The following EXOSC4 variants were observed in gnomAD, a reference collection of about 807,000 sequenced individuals.
EXOSC4 encodes the protein exosome complex component RRP41.
EXOSC4 carries 14 observed loss-of-function variants against 20.0 expected under a neutral mutation model. The ratio of observed to expected loss-of-function variants is 0.70; its 90% CI spans 0.46 to 1.09. The LOEUF (loss-of-function observed/expected upper bound fraction) is 1.09. EXOSC4 is among the 50% of genes least tolerant of loss of function. The pLI is 0.00. For missense variants in EXOSC4, 337 were observed against 334.0 expected, an observed-to-expected ratio of 1.01 and a Z score of -0.07; for synonymous variants, 148 against 146.4, an observed-to-expected ratio of 1.01 and a Z score of -0.08.
chr8:144,067,968 G>T, the EXOSC4 span, among the ~76,000 whole-genome samples: 23 of 152,232 alleles, frequency 1.5e-4, no homozygotes, highest in Non-Finnish European at 8.8e-5. Context: ...CAACCTGCCA[G>T]CCTGCATTCC....
chr8:144,073,648 T>C (rs188324288), upstream of EXOSC4, among the ~76,000 whole-genome samples: 109 of 151,962 alleles, frequency 7.2e-4, no homozygotes, highest in African/African-American at 2.2e-3. Flanking sequence ...GTCAGGAGTT[T>C]GAGGCCAGAC....
At chr8:144,069,621 A>G in the EXOSC4 span, among the ~76,000 whole-genome samples, 1 of 152,244 alleles carries the variant, frequency 6.6e-6, no homozygotes, top group Non-Finnish European at 1.5e-5. Flanking sequence ...CCTTAACTGC[A>G]TCTCATCTGC....
chr8:144,080,227 C>A lies in EXOSC4; in HGVS notation c.379-15C>A. The A allele has an allele frequency of 6.2e-7, 1 of 1,611,478 alleles. No homozygotes were observed. Among genetic ancestry groups the A allele is most frequent in the Non-Finnish European group, 8.5e-7 (1 of 1,178,228 alleles). ...GGAGGGAGTCTGATAGACTGACACC[C>A]TGGGTTCCCTGCAGGTGCTACAGGC... On this transcript the variant is annotated splice_polypyrimidine_tract_variant and intron_variant, in intron 2 of 2. Coordinates refer to ENST00000316052, the MANE Select transcript of EXOSC4 (RefSeq NM_019037.3). The surrounding 1 kb of genome is among the most constrained non-coding windows in gnomAD (Gnocchi z 4.9).
At chr8:144,064,268 C>T in the EXOSC4 span, among the ~76,000 whole-genome samples, 2 of 152,218 alleles carry the variant, frequency 1.3e-5, no homozygotes, top group South Asian at 2.1e-4. Flanking sequence ...TGCAGGCTTC[C>T]GCACCCACCC....
upstream of EXOSC4, chr8:144,077,912 C>T (rs1437846304): frequency 2.0e-5 from 3 of 152,222 alleles, no homozygotes; most frequent in Non-Finnish European, 2.9e-5. Context: ...ATGGCTGCAG[C>T]CCCAGCTACC....
In EXOSC4 at chr8:144,080,106, T is replaced by C; in HGVS notation, c.335T>C (p.Leu112Pro). The C allele has an allele frequency of 6.2e-7, 1 of 1,613,998 alleles. No individual in the cohort carries two copies. Among genetic ancestry groups the C allele is most frequent in the Non-Finnish European group, 8.5e-7 (1 of 1,179,938 alleles). ...CGCCAGACTTTCGAAGCAGCCATCC[T>C]CACACAGCTGCACCCACGCTCCCAG... ...QLRQTFEAAI[L>P]TQLHPRSQID... The change falls in exon 2 of 3, where the codon CTC becomes CCC. Residue 112 changes from leucine (L) to proline (P), a missense_variant. By Grantham distance (98) the Leu-to-Pro change is moderately conservative. Transcript: ENST00000316052. This position sits in a 1 kb window ranked among gnomAD's most constrained non-coding sequence, Gnocchi z 4.9.
upstream of EXOSC4, among the ~76,000 whole-genome samples, chr8:144,075,593 G>A (rs577622973): frequency 6.6e-6 from 1 of 152,058 alleles, no homozygotes; most frequent in Admixed American, 6.6e-5. Flanking sequence ...AGCTGATCTT[G>A]AACTCCTAGG....
chr8:144,065,311 TC>T, the EXOSC4 span, among the ~76,000 whole-genome samples: 2 of 152,216 alleles, frequency 1.3e-5, no homozygotes, highest in African/African-American at 4.8e-5. Flanking sequence ...CAAACTCCTT[TC>T]CCTGGCTACT....
At chr8:144,074,503 T>C (rs1007409100), upstream of EXOSC4, among the ~76,000 whole-genome samples, 1 of 152,162 alleles carries the variant, frequency 6.6e-6, no homozygotes, top group African/African-American at 2.4e-5. Context: ...AAAGAGGATC[T>C]AAGATTAGTC....
the EXOSC4 span, among the ~76,000 whole-genome samples, chr8:144,073,429 G>T: frequency 1.3e-5 from 2 of 152,140 alleles, no homozygotes; most frequent in South Asian, 4.1e-4. Flanking sequence ...ACCTGGAGGA[G>T]CAGCGATTCG....
upstream of EXOSC4, among the ~76,000 whole-genome samples, chr8:144,076,350 G>T (rs573367036): frequency 3.9e-5 from 6 of 152,146 alleles, no homozygotes; most frequent in Non-Finnish European, 8.8e-5. Flanking sequence ...AATCTTAGGC[G>T]TGAAGACAAG....
the EXOSC4 span, among the ~76,000 whole-genome samples, chr8:144,067,133 C>T: frequency 6.6e-6 from 1 of 152,106 alleles, no homozygotes; most frequent in African/African-American, 2.4e-5. Context: ...AGTCAGTCAA[C>T]TTTCAACTCA....
At chr8:144,076,960 A>G (rs1290312532), upstream of EXOSC4, among the ~76,000 whole-genome samples, 1 of 152,064 alleles carries the variant, frequency 6.6e-6, no homozygotes, top group Admixed American at 6.6e-5. Context: ...AATCCCAGCT[A>G]CCTGGGAGGC....
chr8:144,080,457 G>A lies in EXOSC4; in HGVS notation c.594G>A (p.Leu198=). The A allele has an allele frequency of 6.2e-7, 1 of 1,609,398 alleles. No homozygotes were observed. Among genetic ancestry groups the A allele is most frequent in the Non-Finnish European group, 8.5e-7 (1 of 1,180,006 alleles). ...ALLPASGQIA[L]LEMDARLHED... Reference sequence around the variant, plus strand: ...TGCCAGCCTCAGGACAGATTGCGCTGCTTGAGATGGATGCCCGGCTGCACG... The same window carrying A: ...TGCCAGCCTCAGGACAGATTGCGCTACTTGAGATGGATGCCCGGCTGCACG... The change falls in exon 3 of 3, where the codon CTG becomes CTA. Residue 198 remains leucine, a synonymous_variant. Transcript: ENST00000316052. The surrounding 1 kb of genome is among the most constrained non-coding windows in gnomAD (Gnocchi z 4.9).
In EXOSC4 at chr8:144,078,785, CG is replaced by C; in HGVS notation, c.61del (p.Glu21SerfsTer51). 2 of 1,551,300 alleles carry C rather than the reference CG, an allele frequency of 1.3e-6. No individual in the cohort carries two copies. The highest frequency in any genetic ancestry group is 1.9e-5 in the Admixed American group (1 of 51,366). On this transcript the variant is annotated frameshift_variant, in exon 1 of 3. Transcript: ENST00000316052. LOFTEE classifies it high-confidence loss of function. The surrounding 1 kb of genome is among the most constrained non-coding windows in gnomAD (Gnocchi z 4.7). ...GCTACCGGGTGGACGGGCGGCGCGCCGGGGAGCTGCGCAAGATCCAGGCGCG... is the reference window on the plus strand; with the variant it reads ...GCTACCGGGTGGACGGGCGGCGCGCCGGGAGCTGCGCAAGATCCAGGCGCG... ...QGYRVDGRRA[G>X]ELRKIQARMG...
At chr8:144,068,351 T>C in the EXOSC4 span, among the ~76,000 whole-genome samples, 1 of 152,206 alleles carries the variant, frequency 6.6e-6, no homozygotes, top group Admixed American at 6.5e-5. Flanking sequence ...ACTGCAACCC[T>C]TTATGAGAAA....
At chr8:144,067,077 G>A in the EXOSC4 span, among the ~76,000 whole-genome samples, 3 of 152,082 alleles carry the variant, frequency 2.0e-5, no homozygotes, top group Non-Finnish European at 2.9e-5. Context: ...ACAAGAGTGA[G>A]ACTCTGTCTC....
chr8:144,080,474 G>T lies in EXOSC4; in HGVS notation c.611G>T (p.Arg204Leu). 6.2e-7 allele frequency: 1 copy of T among 1,608,018 alleles called. No homozygotes were observed. The change falls in exon 3 of 3, where the codon CGG becomes CTG. Residue 204 changes from arginine (R) to leucine (L), a missense_variant. Transcript: ENST00000316052. This position sits in a 1 kb window ranked among gnomAD's most constrained non-coding sequence, Gnocchi z 4.9. ...GQIALLEMDA[R>L]LHEDHLERVL... ...ATTGCGCTGCTTGAGATGGATGCCCGGCTGCACGAGGACCACCTGGAGCGG... is the reference window on the plus strand; with the variant it reads ...ATTGCGCTGCTTGAGATGGATGCCCTGCTGCACGAGGACCACCTGGAGCGG...
chr8:144,065,285 A>C, the EXOSC4 span, among the ~76,000 whole-genome samples: 1 of 151,948 alleles, frequency 6.6e-6, no homozygotes, highest in African/African-American at 2.4e-5. Context: ...TGATTTGTAG[A>C]CTGTCCTGGG....
Sources: allele counts gnomAD v4.1 joint callset (sites outside exome capture counted in the v4.1 genomes callset), GRCh38; gene constraint gnomAD v4.1.1; non-coding constraint Gnocchi (gnomAD v3.1); transcripts MANE v1.5; gene names NCBI Gene and HGNC (gene_info 2026-07-23, HGNC 2026-07-21).